Variants in CA10 observed in about 807,000 individuals in gnomAD.
CA10 encodes carbonic anhydrase 10 (inactive), also known as carbonic anhydrase-related protein 10.
A neutral mutation model predicts 44.2 loss-of-function variants in CA10; 14 were observed. The ratio of observed to expected loss-of-function variants is 0.32; its 90% CI spans 0.21 to 0.50. CA10 has a LOEUF of 0.50. Among genes scored for constraint, CA10 ranks in the 20% least tolerant of loss-of-function variants. CA10 has a pLI of 0.99. For synonymous variants in CA10, 159 were observed against 141.6 expected (o/e 1.12, Z -0.87); for missense variants, 350 against 409.7 (o/e 0.85, Z 1.26).
At chr17:52,137,982 A>G (rs1019336781) in intron 1 of CA10, among the ~76,000 whole-genome samples, 1 of 152,226 alleles carries the variant, frequency 6.6e-6, no homozygotes, top group Admixed American at 6.5e-5. Flanking sequence ...TGCTGCTGTA[A>G]CAAATTACTA....
chr17:52,033,724 GT>G (rs755605753), intron 2 of CA10, among the ~76,000 whole-genome samples: 18 of 152,170 alleles, frequency 1.2e-4, no homozygotes, highest in Non-Finnish European at 2.9e-5. Context: ...ACTACAAACT[GT>G]TTAATGTATA....
chr17:52,071,283 T>C (rs190412139), intron 2 of CA10, among the ~76,000 whole-genome samples: 32 of 152,328 alleles, frequency 2.1e-4, no homozygotes, highest in Non-Finnish European at 1.5e-5. Context: ...CAGTTGGCTT[T>C]TTCCTGGGTC....
intron 2 of CA10, among the ~76,000 whole-genome samples, chr17:52,008,392 A>T (rs1985674587): frequency 6.6e-6 from 1 of 151,864 alleles, no homozygotes; most frequent in African/African-American, 2.4e-5. Flanking sequence ...AAGATAACGT[A>T]TTAGACAACA....
intron 3 of CA10, among the ~76,000 whole-genome samples, chr17:51,782,245 T>C (rs913602017): frequency 6.6e-6 from 1 of 152,238 alleles, no homozygotes; most frequent in South Asian, 2.1e-4. Context: ...ACCAATCTTT[T>C]GTCATATGGG....
chr17:52,141,638 G>A (rs1225363312), intron 1 of CA10, among the ~76,000 whole-genome samples: 1 of 152,194 alleles, frequency 6.6e-6, no homozygotes, highest in Non-Finnish European at 1.5e-5. Context: ...GCATGACTGT[G>A]TCCCAGTACA....
chr17:51,992,059 G>A (rs1485390207), intron 2 of CA10, among the ~76,000 whole-genome samples: 1 of 151,864 alleles, frequency 6.6e-6, no homozygotes, highest in Non-Finnish European at 1.5e-5. Context: ...TTTCATGAAT[G>A]TTGACATTCG....
chr17:51,708,404 GTTGT>G (rs1181717620), intron 4 of CA10, among the ~76,000 whole-genome samples: 1 of 152,170 alleles, frequency 6.6e-6, no homozygotes, highest in African/African-American at 2.4e-5. Context: ...TAAATTTGTT[GTTGT>G]TTATTAAAAC....
At chr17:51,632,033 C>A (rs1912603671) in intron 8 of CA10, among the ~76,000 whole-genome samples, 1 of 152,130 alleles carries the variant, frequency 6.6e-6, no homozygotes, top group Non-Finnish European at 1.5e-5. Flanking sequence ...AAACAACAGT[C>A]CACAGATCTA....
At chr17:51,967,923 T>C (rs190927560) in intron 2 of CA10, among the ~76,000 whole-genome samples, 1 of 151,914 alleles carries the variant, frequency 6.6e-6, no homozygotes, top group East Asian at 1.9e-4. Context: ...GAACTGTGGG[T>C]ATGATGAGAT....
chr17:51,824,329 G>A (rs9894939), intron 3 of CA10, among the ~76,000 whole-genome samples: 9,018 of 152,204 alleles, frequency 0.059, 753 homozygotes, highest in African/African-American at 0.19. Flanking sequence ...ATCCCTTCAG[G>A]TAGTTTACAC....
chr17:51,856,005 A>G (rs1979023277), intron 3 of CA10, among the ~76,000 whole-genome samples: 1 of 152,148 alleles, frequency 6.6e-6, no homozygotes, highest in Admixed American at 6.5e-5. Context: ...AGGAGCAAAC[A>G]GTAAGGCTCT....
Position 52,157,877 on chromosome 17 carries a change from A to T in CA10, c.-91T>A, listed in dbSNP as rs1459915175. ...GGCACACACACATACACACTCGCAC[A>T]CACTTCCGAGCGAGTGCACACTCGC... On this transcript the variant is annotated 5_prime_UTR_variant, in exon 1 of 9. Transcript: ENST00000451037. The T allele has an allele frequency of 3.0e-6, 3 of 1,011,468 alleles. No individual in the cohort carries two copies. The highest frequency in any genetic ancestry group is 3.4e-5 in the Admixed American group (2 of 58,762). The allele number at this position is 1,011,468 out of a possible 1,614,324, so 62.7% of individuals were successfully genotyped here.
chr17:52,066,137 C>T (rs941543198), intron 2 of CA10, among the ~76,000 whole-genome samples: 3 of 152,046 alleles, frequency 2.0e-5, no homozygotes, highest in East Asian at 3.9e-4. Flanking sequence ...AGTATGAAAA[C>T]GGACTAATAG....
intron 4 of CA10, among the ~76,000 whole-genome samples, chr17:51,655,838 G>T (rs9914067): frequency 0.026 from 3,960 of 152,294 alleles, 172 homozygotes; most frequent in African/African-American, 0.09. Context: ...TATCCTATTT[G>T]CTTATTGCTT....
At chr17:51,867,070 C>T (rs1567866334) in intron 3 of CA10, among the ~76,000 whole-genome samples, 1 of 151,796 alleles carries the variant, frequency 6.6e-6, no homozygotes, top group Non-Finnish European at 1.5e-5. Flanking sequence ...CTTTGGCTCC[C>T]CTGTGCTATT....
intron 1 of CA10, among the ~76,000 whole-genome samples, chr17:52,125,050 A>C (rs760950530): frequency 1.3e-4 from 20 of 152,080 alleles, no homozygotes; most frequent in Non-Finnish European, 1.8e-4. Flanking sequence ...GTCTCTCCTC[A>C]CAGCTTTTGC....
chr17:52,078,849 G>C (rs80061302), intron 1 of CA10, among the ~76,000 whole-genome samples: 113 of 152,280 alleles, frequency 7.4e-4, no homozygotes, highest in Non-Finnish European at 1.2e-3. Flanking sequence ...CACCCGGAAG[G>C]TATTTTTCTT....
intron 3 of CA10, among the ~76,000 whole-genome samples, chr17:51,819,405 A>G (rs1907680840): frequency 6.6e-6 from 1 of 152,106 alleles, no homozygotes; most frequent in South Asian, 2.1e-4. Context: ...ACAAACCCTT[A>G]CTATGAGATG....
chr17:51,869,948 G>A (rs1238394876), intron 3 of CA10, among the ~76,000 whole-genome samples: 4 of 152,176 alleles, frequency 2.6e-5, no homozygotes, highest in African/African-American at 9.7e-5. Context: ...GCAATATCAT[G>A]AACTTCTTAA....
Sources: allele counts gnomAD v4.1 joint callset (sites outside exome capture counted in the v4.1 genomes callset), GRCh38; gene constraint gnomAD v4.1.1; transcripts MANE v1.5; gene names NCBI Gene and HGNC (gene_info 2026-07-23, HGNC 2026-07-21).